ZFP64: variants seen among roughly 807,000 people sequenced by gnomAD.
The protein encoded by ZFP64 is ZFP64 zinc finger protein, also known as zinc finger protein 64.
ZFP64 carries 14 observed loss-of-function variants against 51.6 expected under a neutral mutation model. The ratio of observed to expected loss-of-function variants is 0.27; its 90% CI spans 0.18 to 0.42. ZFP64 has a LOEUF of 0.42. ZFP64 is among the 10% of genes least tolerant of loss of function. ZFP64 has a pLI of 1.00. For synonymous variants in ZFP64, 375 were observed against 361.4 expected (o/e 1.04, Z -0.43); for missense variants, 754 against 906.8 (o/e 0.83, Z 2.16).
intron 2 of ZFP64, among the ~76,000 whole-genome samples, chr20:52,175,576 G>A (rs986133214): frequency 6.6e-6 from 1 of 152,222 alleles, no homozygotes; most frequent in Non-Finnish European, 1.5e-5. Flanking sequence ...CGGGCATGGC[G>A]GCTCACGCCT....
intron 5 of ZFP64, among the ~76,000 whole-genome samples, chr20:52,114,015 C>T (rs764182294): frequency 1.3e-5 from 2 of 152,070 alleles, no homozygotes; most frequent in Non-Finnish European, 1.5e-5. Flanking sequence ...AGGGAGACAG[C>T]GTCCCCAGGG....
chr20:52,184,798 T>A (rs1286774090), intron 2 of ZFP64, among the ~76,000 whole-genome samples: 1 of 151,912 alleles, frequency 6.6e-6, no homozygotes. Context: ...GGCTAATTTT[T>A]AAAATTTAAT....
chr20:52,125,036 C>T (rs1382844914), intron 5 of ZFP64, among the ~76,000 whole-genome samples: 2 of 152,188 alleles, frequency 1.3e-5, no homozygotes, highest in Non-Finnish European at 2.9e-5. Context: ...AAGCACCAAG[C>T]TTTGTTTGCA....
chr20:52,102,672 G>C (rs991100223), intron 5 of ZFP64, among the ~76,000 whole-genome samples: 2 of 152,172 alleles, frequency 1.3e-5, no homozygotes, highest in Non-Finnish European at 2.9e-5. Context: ...TAACACAGTG[G>C]TTTGGGGAAC....
chr20:52,144,723 A>C (rs1980440854), intron 5 of ZFP64, among the ~76,000 whole-genome samples: 1 of 151,832 alleles, frequency 6.6e-6, no homozygotes, highest in Non-Finnish European at 1.5e-5. Context: ...TAAGTAGAAG[A>C]CTAAAAATAC....
intron 2 of ZFP64, among the ~76,000 whole-genome samples, chr20:52,172,215 G>A (rs1377450531): frequency 6.6e-6 from 1 of 151,700 alleles, no homozygotes; most frequent in Non-Finnish European, 1.5e-5. Flanking sequence ...GTGTGTGTGT[G>A]TGTGTTTGTG....
At chr20:52,181,521 C>A (rs1341001067) in intron 2 of ZFP64, among the ~76,000 whole-genome samples, 1 of 152,100 alleles carries the variant, frequency 6.6e-6, no homozygotes, top group Non-Finnish European at 1.5e-5. Context: ...TACTTTAAAC[C>A]CAAGTATTAT....
intron 5 of ZFP64, chr20:52,105,010 T>C: frequency 5.9e-6 from 7 of 1,196,256 alleles, no homozygotes; most frequent in South Asian, 1.7e-5. Flanking sequence ...CCCAGGACTC[T>C]GCGCCGGACG....
At chr20:52,172,602 G>T (rs1374319766) in intron 2 of ZFP64, among the ~76,000 whole-genome samples, 1 of 151,956 alleles carries the variant, frequency 6.6e-6, no homozygotes. Context: ...CATAACCTTG[G>T]GGGGAAGTGC....
intron 7 of ZFP64, among the ~76,000 whole-genome samples, chr20:52,090,789 ATTTTTTT>A (rs34728955): frequency 7.5e-6 from 1 of 132,456 alleles, no homozygotes; most frequent in Non-Finnish European, 1.6e-5. Context: ...ACAGAGCAAG[ATTTTTTT>A]TTTTTTTTTT....
At chr20:52,151,231 A>G (rs1980775678), downstream of ZFP64, 1 of 985,414 alleles carries the variant, frequency 1.0e-6, no homozygotes, top group South Asian at 4.7e-5. Context: ...CTCACGCCCC[A>G]TCATTCCCAA....
intron 5 of ZFP64, among the ~76,000 whole-genome samples, chr20:52,119,518 T>TC: frequency 2.3e-5 from 1 of 43,784 alleles, no homozygotes; most frequent in Non-Finnish European, 3.9e-5. Flanking sequence ...TGAGACTTCA[T>TC]CTAAAAAAAA....
chr20:52,140,759 T>C (rs778808158), intron 5 of ZFP64, among the ~76,000 whole-genome samples: 2 of 152,108 alleles, frequency 1.3e-5, no homozygotes, highest in Non-Finnish European at 2.9e-5. Context: ...CACTAAACAA[T>C]AGATTTTTGT....
chr20:52,148,590 A>G (rs1417890896), downstream of ZFP64, among the ~76,000 whole-genome samples: 7 of 152,178 alleles, frequency 4.6e-5, no homozygotes, highest in Non-Finnish European at 4.4e-5. Context: ...GATCCCAGCT[A>G]CGTGGGAGGC....
chr20:52,182,813 A>G (rs1300183515), intron 2 of ZFP64, among the ~76,000 whole-genome samples: 1 of 152,152 alleles, frequency 6.6e-6, no homozygotes, highest in African/African-American at 2.4e-5. Context: ...TGCATATGAG[A>G]TGTGAGCAGT....
At chr20:52,183,501 C>T (rs1442007196) in intron 2 of ZFP64, among the ~76,000 whole-genome samples, 1 of 152,184 alleles carries the variant, frequency 6.6e-6, no homozygotes, top group Non-Finnish European at 1.5e-5. Flanking sequence ...CCTGAAGTTC[C>T]GATGGGACCT....
chr20:52,143,181 A>G (rs1344013958), intron 5 of ZFP64, among the ~76,000 whole-genome samples: 1 of 143,470 alleles, frequency 7.0e-6, no homozygotes, highest in Non-Finnish European at 1.6e-5. Context: ...CGTGTGACTC[A>G]CTTTATTGTG....
chr20:52,138,077 C>T (rs906708654), intron 5 of ZFP64, among the ~76,000 whole-genome samples: 1 of 151,642 alleles, frequency 6.6e-6, no homozygotes, highest in African/African-American at 2.4e-5. Context: ...CATGGAGGCA[C>T]ACATCTGGAG....
chr20:52,152,153 G>A lies in ZFP64; in HGVS notation c.2039C>T (p.Pro680Leu). The stretch of plus-strand genomic sequence containing the variant: ...CTTTTGTTTTTTTAAGCACTAATCT[G>A]GAATGGAGTCGGCGGGACAGAGCAA... ...PALLCPADSI[P>L]D is the part of the protein sequence containing the mutation. Residue 680 changes from proline to leucine, a missense_variant, in exon 6 of 6, where the codon CCA (proline) becomes CTA (leucine). Coordinates refer to ENST00000216923, the MANE Select transcript of ZFP64 (RefSeq NM_018197.3). The A allele has an allele frequency of 2.5e-6, 4 of 1,612,574 alleles. No individual in the cohort carries two copies. Among genetic ancestry groups the A allele is most frequent in the East Asian group, 2.2e-5 (1 of 44,806 alleles).
Sources: gnomAD v4.1 joint callset for allele counts (sites outside exome capture counted in the v4.1 genomes callset) on GRCh38, gnomAD v4.1.1 for gene constraint, MANE v1.5 for transcripts, NCBI Gene and HGNC (gene_info 2026-07-23, HGNC 2026-07-21) for gene names.